The following COL4A4 variants were observed in gnomAD, a reference collection of about 807,000 sequenced individuals.
COL4A4 encodes the protein collagen type IV alpha 4 chain, also known as collagen alpha-4(IV) chain.
In COL4A4, 105 loss-of-function variants were observed where a neutral mutation model predicts 192.9. The ratio of observed to expected loss-of-function variants is 0.54; its 90% confidence interval spans 0.46 to 0.64. The LOEUF (loss-of-function observed/expected upper bound fraction) is 0.64, where lower values mean the gene tolerates loss of function less well. Among genes scored for constraint, COL4A4 ranks in the 30% least tolerant of loss-of-function variants. The probability of loss-of-function intolerance (pLI) is 0.00; values close to 1 mark genes in which losing one functional copy is unlikely to be tolerated. For missense variants in COL4A4, 1,967 were observed against 2,169.3 expected (o/e 0.91, Z 1.85); for synonymous variants, 762 against 769.9 (o/e 0.99, Z 0.17).
Position 227,006,448 on chromosome 2 carries a change from A to G in COL4A4, c.*877T>C, listed in dbSNP as rs1394455123. Reference sequence around the variant, plus strand: ...GACACGCCGGACCCCGACTGGGGAAAAGCAGTCTGTCTGGAAGTTCACTGC... The same window carrying G: ...GACACGCCGGACCCCGACTGGGGAAGAGCAGTCTGTCTGGAAGTTCACTGC... On this transcript the variant is annotated 3_prime_UTR_variant, in exon 48 of 48. Transcript: ENST00000396625. 6.6e-6 allele frequency: 1 copy of G among 152,634 alleles called. No homozygotes were observed. Among genetic ancestry groups the G allele is most frequent in the Non-Finnish European group, 1.5e-5 (1 of 68,050 alleles). The allele number at this position is 152,634 out of a possible 1,614,324, so 9.5% of individuals were successfully genotyped here. A position where few individuals can be genotyped will look rare whatever the true frequency, so the allele number is the denominator to read the frequency against.
intron 2 of COL4A4, among the ~76,000 whole-genome samples, chr2:227,145,135 G>A (rs768494397): frequency 6.6e-6 from 1 of 152,136 alleles, no homozygotes; most frequent in Non-Finnish European, 1.5e-5. Context: ...TTTTAACAGA[G>A]GACATATGCA....
chr2:227,111,659 G>A lies in COL4A4; in HGVS notation c.594+19C>T. The A allele has an allele frequency of 1.9e-6, 3 of 1,613,498 alleles. No individual in the cohort carries two copies. The highest frequency in any genetic ancestry group is 2.5e-6 in the Non-Finnish European group (3 of 1,179,396). On this transcript the variant is annotated intron_variant, in intron 9 of 47. Transcript: ENST00000396625. ...TTTGAGGAGGAAATAGAAGCATAGA[G>A]CCTGCTCAGGAGACTTACTGGTAAG...
chr2:226,978,061 T>C, the COL4A4 span, among the ~76,000 whole-genome samples: 2 of 151,710 alleles, frequency 1.3e-5, no homozygotes, highest in Non-Finnish European at 2.9e-5. Flanking sequence ...TCACTGGAGC[T>C]TGTACTGCCC....
chr2:227,140,747 G>T (rs1182030834), intron 3 of COL4A4, among the ~76,000 whole-genome samples: 3 of 151,882 alleles, frequency 2.0e-5, no homozygotes, highest in Non-Finnish European at 4.4e-5. Flanking sequence ...TAAAATTGTT[G>T]TTCCTACAAT....
chr2:227,100,786 G>A (rs1196998237), intron 17 of COL4A4, among the ~76,000 whole-genome samples: 2 of 151,392 alleles, frequency 1.3e-5, no homozygotes, highest in African/African-American at 4.9e-5. Context: ...AATTATGGGG[G>A]GTGGGTCTTT....
downstream of COL4A4, among the ~76,000 whole-genome samples, chr2:227,001,477 G>T (rs1960945112): frequency 6.6e-6 from 1 of 152,102 alleles, no homozygotes; most frequent in South Asian, 2.1e-4. Context: ...AGCTGGATGG[G>T]CTACCTTAGA....
chr2:227,057,821 T>C (rs530687115), intron 28 of COL4A4, among the ~76,000 whole-genome samples: 2 of 152,388 alleles, frequency 1.3e-5, no homozygotes, highest in South Asian at 4.1e-4. Context: ...GATAAGGTTA[T>C]GTGGACTGCA....
chr2:227,091,247 C>CAGAT lies in COL4A4; in HGVS notation c.1370-1294_1370-1291dup, dbSNP rs61128654. ...AAAAGAGAACACAGCAATTGAAAAA[C>CAGAT]AGATATAGATATAGATATAGATATA... is the stretch of plus-strand genomic sequence containing the variant. On this transcript the variant is annotated intron_variant, in intron 20 of 47. Coordinates refer to ENST00000396625, the MANE Select transcript of COL4A4 (RefSeq NM_000092.5). Among the ~76,000 whole-genome samples, 806 of 142,422 alleles carry CAGAT rather than the reference C, an allele frequency of 5.7e-3. 18 individuals are homozygous for CAGAT. Among genetic ancestry groups the CAGAT allele is most frequent in the East Asian group, 0.056 (271 of 4,854 alleles). 93.4% of individuals were successfully genotyped at this position (142,422 alleles called of 152,430 possible). A position where few individuals can be genotyped will look rare whatever the true frequency, so the allele number is the denominator to read the frequency against.
intron 8 of COL4A4, 182 bp downstream of exon 8, chr2:227,114,446 A>G: frequency 1.4e-6 from 1 of 697,634 alleles, no homozygotes; most frequent in Non-Finnish European, 2.7e-6. Context: ...CTGGAATTTT[A>G]CTGGCGACTA....
chr2:227,010,274 C>G, intron 46 of COL4A4, 39 bp downstream of exon 46: 2 of 1,609,746 alleles, frequency 1.2e-6, no homozygotes, highest in Non-Finnish European at 1.7e-6. Flanking sequence ...CCAAATTTTA[C>G]TCTTCAGGCA....
chr2:227,072,750 T>C (rs1346995595), intron 25 of COL4A4, among the ~76,000 whole-genome samples: 3 of 151,978 alleles, frequency 2.0e-5, no homozygotes, highest in Non-Finnish European at 2.9e-5. Flanking sequence ...GTTTAATATA[T>C]GCAAGTCAAT....
At chr2:227,119,652 C>T (rs1487347789) in intron 6 of COL4A4, among the ~76,000 whole-genome samples, 1 of 148,336 alleles carries the variant, frequency 6.7e-6, no homozygotes, top group Non-Finnish European at 1.5e-5. Context: ...TTGCACCAAC[C>T]TAATGTATTC....
At chr2:227,033,132 G>T (rs1009540252) in intron 38 of COL4A4, among the ~76,000 whole-genome samples, 2 of 152,164 alleles carry the variant, frequency 1.3e-5, no homozygotes, top group African/African-American at 2.4e-5. Context: ...TGGCTCAATT[G>T]TTCAGAGTAC....
intron 25 of COL4A4, among the ~76,000 whole-genome samples, chr2:227,071,332 G>T (rs1037975488): frequency 3.3e-5 from 5 of 151,930 alleles, no homozygotes; most frequent in African/African-American, 1.2e-4. Context: ...ATGATAAAAC[G>T]ATCAACAAGA....
Position 227,156,064 on chromosome 2 carries a change from A to G in COL4A4, c.-102+7943T>C, listed in dbSNP as rs967363282. On this transcript the variant is annotated intron_variant, in intron 1 of 47. Coordinates refer to ENST00000396625, the MANE Select transcript of COL4A4 (RefSeq NM_000092.5). ...CTTCCTTTCTAATCTGCCATGGAGG[A>G]AAAAAAAAAGAGCTCACAATACATT... 2.6e-4 allele frequency among the ~76,000 whole-genome samples: 11 copies of G among 41,744 alleles called. 1 individual carries two copies. The highest frequency in any genetic ancestry group is 1.8e-3 in the Admixed American group (4 of 2,258). 27.4% of individuals were successfully genotyped at this position (41,744 alleles called of 152,430 possible). A position where few individuals can be genotyped will look rare whatever the true frequency, so the allele number is the denominator to read the frequency against.
intron 4 of COL4A4, among the ~76,000 whole-genome samples, chr2:227,137,814 C>T (rs966644271): frequency 2.6e-5 from 4 of 152,126 alleles, no homozygotes; most frequent in African/African-American, 9.7e-5. Flanking sequence ...GGTCCTGAAG[C>T]TCAAAGTCAT....
At chr2:227,079,202 T>C (rs2059194236) in intron 24 of COL4A4, among the ~76,000 whole-genome samples, 2 of 152,220 alleles carry the variant, frequency 1.3e-5, no homozygotes, top group Admixed American at 6.5e-5. Context: ...CTTTTATCCT[T>C]CTACATGGCC....
At chr2:227,028,483 C>A (rs1380856532) in intron 41 of COL4A4, among the ~76,000 whole-genome samples, 1 of 152,028 alleles carries the variant, frequency 6.6e-6, no homozygotes, top group African/African-American at 2.4e-5. Flanking sequence ...AGAGATAAGA[C>A]CCAGTTTCAT....
intron 25 of COL4A4, among the ~76,000 whole-genome samples, chr2:227,075,285 CA>C (rs969408419): frequency 2.6e-5 from 4 of 152,104 alleles, no homozygotes; most frequent in African/African-American, 7.2e-5. Context: ...AGCAGCACAT[CA>C]AAAAGCATAT....
Sources: allele counts gnomAD v4.1 joint callset (sites outside exome capture counted in the v4.1 genomes callset), GRCh38; gene constraint gnomAD v4.1.1; transcripts MANE v1.5; gene names NCBI Gene and HGNC (gene_info 2026-07-23, HGNC 2026-07-21).